Variants in LRP4 observed in about 807,000 individuals in gnomAD.
LRP4 encodes the protein low-density lipoprotein receptor-related protein 4.
LRP4 carries 95 observed loss-of-function variants against 220.3 expected under a neutral mutation model. The ratio of observed to expected loss-of-function variants is 0.43; its 90% CI spans 0.37 to 0.51. The LOEUF (loss-of-function observed/expected upper bound fraction) is 0.51. Ranked by LOEUF, LRP4 falls within the 20% of genes least tolerant of loss-of-function variation. LRP4 has a pLI of 0.00. For synonymous variants in LRP4, 903 were observed against 954.6 expected, an observed-to-expected ratio of 0.95 and a Z score of 1.00; for missense variants, 1,925 against 2,567.0, an observed-to-expected ratio of 0.75 and a Z score of 5.40.
chr11:46,898,062 C>A (rs186930464), intron 7 of LRP4, among the ~76,000 whole-genome samples: 51 of 138,888 alleles, frequency 3.7e-4, no homozygotes, highest in African/African-American at 1.3e-3. Context: ...CTGACCCCCC[C>A]ACCTCCCTCC....
chr11:46,909,744 T>TGAAA (rs1941825903), intron 1 of LRP4, among the ~76,000 whole-genome samples: 1 of 149,704 alleles, frequency 6.7e-6, no homozygotes, highest in African/African-American at 2.5e-5. Flanking sequence ...AATGAATGAA[T>TGAAA]GAATGAATGA....
intron 1 of LRP4, among the ~76,000 whole-genome samples, chr11:46,914,350 T>C (rs753950820): frequency 2.6e-5 from 4 of 152,170 alleles, no homozygotes; most frequent in Non-Finnish European, 5.9e-5. Context: ...TATTAATGCT[T>C]GACATATGTG....
In LRP4 at chr11:46,873,261, C is replaced by G; in HGVS notation, c.4449-27G>C. Reference sequence around the variant, plus strand: ...TGAGACACAACAGTGCCATCATCATCAAGGCATGGGAAGACAGCACCCAGA... The same window carrying G: ...TGAGACACAACAGTGCCATCATCATGAAGGCATGGGAAGACAGCACCCAGA... On this transcript the variant is annotated intron_variant, in intron 29 of 37. Transcript: ENST00000378623. The surrounding 1 kb of genome is among the most constrained non-coding windows in gnomAD (Gnocchi z 4.2). 6.2e-7 allele frequency: 1 copy of G among 1,614,164 alleles called. No homozygotes were observed. Among genetic ancestry groups the G allele is most frequent in the Non-Finnish European group, 8.5e-7 (1 of 1,180,010 alleles).
At chr11:46,879,682 C>A (rs1941105438) in intron 20 of LRP4, among the ~76,000 whole-genome samples, 1 of 152,202 alleles carries the variant, frequency 6.6e-6, no homozygotes, top group African/African-American at 2.4e-5. Context: ...AACAGGCCAA[C>A]ACCTGTGTCT....
At position 46,896,350 on chromosome 11, in the gene LRP4, G is replaced by A. The variant is rs753355097; in HGVS notation, c.923-15C>T. The A allele has an allele frequency of 1.2e-6, 2 of 1,612,750 alleles. No individual in the cohort carries two copies. The highest frequency in any genetic ancestry group is 1.7e-6 in the Non-Finnish European group (2 of 1,179,956). On this transcript the variant is annotated splice_polypyrimidine_tract_variant and intron_variant, in intron 8 of 37. Transcript: ENST00000378623. ...TTGGGGGCTTCCTAGAGAGATGGAGGGTCAGGTCATAGCAAGGCAGGGCTT... is the reference window on the plus strand; with the variant it reads ...TTGGGGGCTTCCTAGAGAGATGGAGAGTCAGGTCATAGCAAGGCAGGGCTT...
In LRP4 at chr11:46,890,462, G is replaced by C; in HGVS notation, c.1730C>G (p.Pro577Arg). 1.2e-6 allele frequency: 2 copies of C among 1,614,038 alleles called. No homozygotes were observed. The highest frequency in any genetic ancestry group is 1.7e-6 in the Non-Finnish European group (2 of 1,179,974). Residue 577 changes from proline (P) to arginine (R), a missense_variant, in exon 14 of 38, where the codon CCC becomes CGC. By Grantham distance (103) the Pro-to-Arg change is moderately radical. This residue lies in a region of LRP4 where 269 missense variants were observed against 436.7 expected (regional missense o/e 0.62). Transcript: ENST00000378623. This position sits in a 1 kb window ranked among gnomAD's most constrained non-coding sequence, Gnocchi z 5.3. ...ATCCATGCTGGAGGCCTCAATACGGGGGGTGTTGCCCCAGTCTGTCCAGTA... is the reference window on the plus strand; with the variant it reads ...ATCCATGCTGGAGGCCTCAATACGGCGGGTGTTGCCCCAGTCTGTCCAGTA... Reference protein sequence around the residue: ...TIYWTDWGNTPRIEASSMDGS... With the variant: ...TIYWTDWGNTRRIEASSMDGS...
Position 46,857,178 on chromosome 11 carries a change from G to C in LRP4, c.*1805C>G, listed in dbSNP as rs6485701. On this transcript the variant is annotated 3_prime_UTR_variant, in exon 38 of 38. Transcript: ENST00000378623. ...TTCTACTTGCTCTTCCTCCCCAGAC[G>C]TGAGTCTAAGGACCCAAAGTGCTCA... 1 of 152,602 alleles carries C rather than the reference G, an allele frequency of 6.6e-6. No homozygotes were observed. The highest frequency in any genetic ancestry group is 2.1e-4 in the South Asian group (1 of 4,822). 9.5% of individuals were successfully genotyped at this position (152,602 alleles called of 1,614,324 possible).
At position 46,879,256 on chromosome 11, in the gene LRP4, G is replaced by A. The variant is rs1453102254; in HGVS notation, c.2874C>T (p.Ile958=). The A allele has an allele frequency of 1.9e-6, 3 of 1,614,114 alleles. No individual in the cohort carries two copies. Among genetic ancestry groups the A allele is most frequent in the Non-Finnish European group, 2.5e-6 (3 of 1,180,056 alleles). ...PFGLTLYGER[I]YWTDWQTKSI... is the part of the protein sequence containing the mutation. ...TCTTGGTCTGCCAGTCAGTCCAATA[G>A]ATGCGCTCTCCATAGAGGGTCAGCC... is the stretch of plus-strand genomic sequence containing the variant. The change falls in exon 21 of 38, where the codon ATC becomes ATT. Residue 958 remains isoleucine (I), a synonymous_variant. Transcript: ENST00000378623.
intron 32 of LRP4, 129 bp from the exon 33 acceptor site, chr11:46,868,842 GCGAGGGAGTAAAAA>G (rs1335333592): frequency 4.6e-5 from 59 of 1,276,182 alleles, no homozygotes; most frequent in Admixed American, 1.2e-4. Context: ...AGATACAACC[GCGAGGGAGTAAAAA>G]GTTCTAAGCG....
chr11:46,910,867 G>A (rs953423670), intron 1 of LRP4, among the ~76,000 whole-genome samples: 3 of 151,978 alleles, frequency 2.0e-5, no homozygotes, highest in Admixed American at 2.0e-4. Context: ...GTAGAGACAG[G>A]GTTTCTCCAC....
rs751911145 is a variant in LRP4, at chr11:46,893,013, G to C, written c.1657C>G (p.Leu553Val). The C allele has an allele frequency of 6.2e-7, 1 of 1,614,054 alleles. No homozygotes were observed. Among genetic ancestry groups the C allele is most frequent in the South Asian group, 1.1e-5 (1 of 91,040 alleles). ...AHRKVLLWQN[L>V]EKPRAIALHP... is the part of the protein sequence containing the mutation. ...AAGGCAATGGCCCGGGGCTTCTCCA[G>C]GTTCTGCCACAGCAACACTTTCCGG... Residue 553 changes from leucine to valine, a missense_variant, in exon 13 of 38, where the codon CTG becomes GTG. Leu to Val is a conservative substitution (Grantham distance 32, BLOSUM62 1). Coordinates refer to ENST00000378623, the MANE Select transcript of LRP4 (RefSeq NM_002334.4).
At chr11:46,907,937 C>T (rs1941788751) in intron 1 of LRP4, among the ~76,000 whole-genome samples, 1 of 152,022 alleles carries the variant, frequency 6.6e-6, no homozygotes, top group Non-Finnish European at 1.5e-5. Flanking sequence ...ATAATATAAC[C>T]ATCTTTTTTT....
At chr11:46,889,844 G>T in intron 15 of LRP4, 100 bp downstream of exon 15, 1 of 1,365,806 alleles carries the variant, frequency 7.3e-7, no homozygotes, top group Non-Finnish European at 1.0e-6. Context: ...TTCCCCATCA[G>T]AAGAAATGGC....
rs141704922 is a variant in LRP4, at chr11:46,899,193, A to T, written c.548-161T>A. Among the ~76,000 whole-genome samples, 173 of 152,308 alleles carry T rather than the reference A, an allele frequency of 1.1e-3. No homozygotes were observed. The highest frequency in any genetic ancestry group is 4.0e-3 in the African/African-American group (165 of 41,586). ...ACAGCCCTTATAGACGCCCATATTC[A>T]GGTGGACCAAAGGAAGCCTTCCCTT... On this transcript the variant is annotated intron_variant, in intron 5 of 37. Coordinates refer to ENST00000378623, the MANE Select transcript of LRP4 (RefSeq NM_002334.4). This position sits in a 1 kb window ranked among gnomAD's most constrained non-coding sequence, Gnocchi z 5.9.
chr11:46,907,466 T>C (rs992249884), intron 1 of LRP4, among the ~76,000 whole-genome samples: 2 of 152,374 alleles, frequency 1.3e-5, no homozygotes, highest in Middle Eastern at 3.4e-3. Context: ...AACCTGAGAC[T>C]TGCATGGCCC....
intron 7 of LRP4, among the ~76,000 whole-genome samples, chr11:46,898,208 C>T (rs995627297): frequency 2.6e-5 from 4 of 152,206 alleles, no homozygotes; most frequent in African/African-American, 9.7e-5. Flanking sequence ...CCCGGATTGT[C>T]TTGTTTTTTG....
At chr11:46,864,171 A>G (rs1170603358) in intron 36 of LRP4, among the ~76,000 whole-genome samples, 1 of 152,212 alleles carries the variant, frequency 6.6e-6, no homozygotes, top group Non-Finnish European at 1.5e-5. Context: ...TTACTTTGTG[A>G]CCTTGGGTAA....
intron 20 of LRP4, among the ~76,000 whole-genome samples, chr11:46,881,058 C>CAAAAAAAAAAAAAAA (rs60125188): frequency 5.3e-5 from 3 of 56,110 alleles, no homozygotes; most frequent in East Asian, 6.8e-4. Context: ...TCTAAAAAAC[C>CAAAAAAAAAAAAAAA]AAAAAAAAAA....
In LRP4 at chr11:46,859,037, CAG is replaced by C. The variant is rs770837962; in HGVS notation, c.5662_5663del (p.Leu1888AlafsTer8). 6.2e-6 allele frequency: 10 copies of C among 1,614,024 alleles called. No individual in the cohort carries two copies. The South Asian group carries it at 8.8e-5, about 14-fold the overall frequency. ...GTTCATGTTTCCAGCCCGTGTCTGG[CAG>C]AGAGCCTCGTCTTTCTGGAGTGGCT... ...TAATPERRGS[L>X]PDTGWKHERK... On this transcript the variant is annotated frameshift_variant, in exon 38 of 38. Coordinates refer to ENST00000378623, the MANE Select transcript of LRP4 (RefSeq NM_002334.4). LOFTEE classifies it high-confidence loss of function.
Sources: allele counts gnomAD v4.1 joint callset (sites outside exome capture counted in the v4.1 genomes callset), GRCh38; gene constraint gnomAD v4.1.1; regional missense constraint gnomAD v4.1.1; non-coding constraint Gnocchi (gnomAD v3.1); transcripts MANE v1.5; gene names NCBI Gene and HGNC (gene_info 2026-07-23, HGNC 2026-07-21).